The following HIVEP3 variants were observed in gnomAD, a reference collection of about 807,000 sequenced individuals.
The protein encoded by HIVEP3 is transcription factor HIVEP3.
Under a neutral mutation model 152.8 loss-of-function variants are expected in HIVEP3, and 49 were observed. That is an observed-to-expected ratio of 0.32 (90% CI 0.26 to 0.41). HIVEP3 has a LOEUF of 0.41. Among genes scored for constraint, HIVEP3 ranks in the 10% least tolerant of loss-of-function variants. HIVEP3 has a pLI of 1.00. For missense variants in HIVEP3, 2,790 were observed against 3,103.3 expected (o/e 0.90, Z 2.40); for synonymous variants, 1,269 against 1,289.0 (o/e 0.98, Z 0.33).
At chr1:41,826,739 G>A (rs1273826435) in intron 1 of HIVEP3, among the ~76,000 whole-genome samples, 1 of 152,210 alleles carries the variant, frequency 6.6e-6, no homozygotes, top group East Asian at 1.9e-4. Context: ...GTGGTTGTGA[G>A]TTGTCTTACA....
rs201055612 is a variant in HIVEP3, at chr1:41,511,255, C to T, written c.6417G>A (p.Glu2139=). The change falls in exon 9 of 9, where the codon GAG becomes GAA. Residue 2139 remains glutamate (E), a synonymous_variant. Coordinates refer to ENST00000372583, the MANE Select transcript of HIVEP3 (RefSeq NM_024503.5). The surrounding 1 kb of genome is among the most constrained non-coding windows in gnomAD (Gnocchi z 4.9). ...ETCASPWQKA[E]SRSPSCSPGP... ...CGGGTGAGCAGGAGGGACTTCGGGA[C>T]TCGGCCTTCTGCTGGGGTCAGAAAA... The T allele has an allele frequency of 6.2e-7, 1 of 1,604,008 alleles. No individual in the cohort carries two copies. Among genetic ancestry groups the T allele is most frequent in the African/African-American group, 1.3e-5 (1 of 74,904 alleles).
rs1644908938 is a variant in HIVEP3 at position 41,918,449 on chromosome 1, C to G, written c.-837G>C. The G allele has an allele frequency of 6.6e-6, 1 of 152,268 alleles. No homozygotes were observed. Among genetic ancestry groups the G allele is most frequent in the South Asian group, 2.1e-4 (1 of 4,828 alleles). The allele number at this position is 152,268 out of a possible 1,614,324, so 9.4% of individuals were successfully genotyped here. The stretch of plus-strand genomic sequence containing the variant: ...GGATGGCAAACTGGTCCTGTGTTCT[C>G]TGACCCACGGATCCAGCCCCTTCTT... On this transcript the variant is annotated 5_prime_UTR_variant, in exon 1 of 9. Transcript: ENST00000372583. The surrounding 1 kb of genome is among the most constrained non-coding windows in gnomAD (Gnocchi z 4.3).
intron 5 of HIVEP3, among the ~76,000 whole-genome samples, chr1:41,527,306 C>CA (rs1643009339): frequency 8.2e-6 from 1 of 122,290 alleles, no homozygotes; most frequent in Admixed American, 8.3e-5. Context: ...CACACCCTCA[C>CA]ACTTCACACC....
intron 3 of HIVEP3, among the ~76,000 whole-genome samples, chr1:41,620,390 G>A (rs758010638): frequency 2.6e-5 from 4 of 152,148 alleles, no homozygotes; most frequent in Non-Finnish European, 4.4e-5. Context: ...CAAACTAAGT[G>A]GCCTAGGTGA....
intron 1 of HIVEP3, among the ~76,000 whole-genome samples, chr1:42,012,704 T>G (rs1645500479): frequency 6.6e-6 from 1 of 151,678 alleles, no homozygotes; most frequent in African/African-American, 2.4e-5. Context: ...AAAATAAAAA[T>G]AAAAATAAAG....
chr1:41,556,081 T>C (rs893701059), intron 5 of HIVEP3, among the ~76,000 whole-genome samples: 1 of 152,236 alleles, frequency 6.6e-6, no homozygotes, highest in African/African-American at 2.4e-5. Context: ...TTGTGAATAA[T>C]GCTGCTGAAC....
chr1:41,802,449 C>T (rs1219398028), intron 1 of HIVEP3, among the ~76,000 whole-genome samples: 1 of 152,166 alleles, frequency 6.6e-6, no homozygotes, highest in Non-Finnish European at 1.5e-5. Flanking sequence ...CTCCTGGGCT[C>T]AAGCAGTCCT....
chr1:41,510,211 G>A lies in HIVEP3; in HGVS notation c.*240C>T, dbSNP rs187575150. ...CTATTCACAGCCTCAGACTCCTCGT[G>A]GGTTGTTGTTTTTTTTTTAAATGTA... On this transcript the variant is annotated 3_prime_UTR_variant, in exon 9 of 9. Coordinates refer to ENST00000372583, the MANE Select transcript of HIVEP3 (RefSeq NM_024503.5). 6.2e-5 allele frequency: 23 copies of A among 372,982 alleles called. No individual in the cohort carries two copies. The East Asian group carries it at 8.6e-4, about 14-fold the overall frequency. 23.1% of individuals were successfully genotyped at this position (372,982 alleles called of 1,614,324 possible). A position where few individuals can be genotyped will look rare whatever the true frequency, so the allele number is the denominator to read the frequency against.
chr1:41,845,944 G>A (rs1296475514), intron 1 of HIVEP3, among the ~76,000 whole-genome samples: 1 of 152,162 alleles, frequency 6.6e-6, no homozygotes, highest in Non-Finnish European at 1.5e-5. Flanking sequence ...GTTGGTGCCT[G>A]TAGTCCCAAC....
Position 41,580,737 on chromosome 1 carries a change from G to A in HIVEP3, c.4061C>T (p.Ala1354Val), listed in dbSNP as rs138166378. 1,202 of 1,590,262 alleles carry A rather than the reference G, an allele frequency of 7.6e-4. 11 individuals carry two copies. The highest frequency in any genetic ancestry group is 1.6e-4 in the Non-Finnish European group (186 of 1,168,698). ...TQSQGSSATV[A>V]LPKFEEPPSK... Reference sequence around the variant, plus strand: ...TGGGGGTTCCTCAAACTTGGGAAGTGCCACAGTTGCTGAGCTGCCTTGGGA... The same window carrying A: ...TGGGGGTTCCTCAAACTTGGGAAGTACCACAGTTGCTGAGCTGCCTTGGGA... Residue 1354 changes from alanine (A) to valine (V), a missense_variant, in exon 4 of 9, where the codon GCA becomes GTA. Ala to Val is a moderately conservative substitution (Grantham distance 64). This residue lies in a region of HIVEP3 where 1,078 missense variants were observed against 1,165.3 expected (regional missense o/e 0.93). Transcript: ENST00000372583.
chr1:41,737,509 T>C (rs1415064174), intron 1 of HIVEP3, among the ~76,000 whole-genome samples: 1 of 152,138 alleles, frequency 6.6e-6, no homozygotes, highest in Non-Finnish European at 1.5e-5. Context: ...TGTCATTGGG[T>C]TTAGTGTCCT....
intron 6 of HIVEP3, 146 bp downstream of exon 6, chr1:41,524,589 G>A: frequency 1.4e-6 from 1 of 740,620 alleles, no homozygotes. Flanking sequence ...TCTGCCACTG[G>A]GCACCAAGCT....
At chr1:41,751,224 T>C (rs1208119873) in intron 1 of HIVEP3, among the ~76,000 whole-genome samples, 2 of 151,618 alleles carry the variant, frequency 1.3e-5, no homozygotes, top group Admixed American at 1.3e-4. Context: ...TGACAACAGA[T>C]GGGACCATCC....
intron 1 of HIVEP3, among the ~76,000 whole-genome samples, chr1:41,750,321 A>C (rs1231782902): frequency 1.3e-5 from 2 of 152,272 alleles, no homozygotes; most frequent in Non-Finnish European, 2.9e-5. Flanking sequence ...CATGGAATTC[A>C]TCAACAAATG....
Position 41,866,140 on chromosome 1 carries a change from C to T in HIVEP3, c.-801+52273G>A, listed in dbSNP as rs540568019. Reference sequence around the variant, plus strand: ...GTGGACTCTCAGGAATCTTCAGCACCCTTTACACCAGCAGTGGTCAAAGTG... The same window carrying T: ...GTGGACTCTCAGGAATCTTCAGCACTCTTTACACCAGCAGTGGTCAAAGTG... On this transcript the variant is annotated intron_variant, in intron 1 of 8. Coordinates refer to ENST00000372583, the MANE Select transcript of HIVEP3 (RefSeq NM_024503.5). Among the ~76,000 whole-genome samples the T allele has an allele frequency of 9.5e-4, 144 of 152,294 alleles. 2 individuals are homozygous for T. The highest frequency in any genetic ancestry group is 3.3e-3 in the African/African-American group (139 of 41,552).
chr1:41,878,197 G>A (rs987815978), intron 1 of HIVEP3, among the ~76,000 whole-genome samples: 3 of 152,126 alleles, frequency 2.0e-5, no homozygotes, highest in Non-Finnish European at 2.9e-5. Flanking sequence ...CCACAAATAC[G>A]AATTAAGCAC....
chr1:41,759,690 G>C (rs536667329), intron 1 of HIVEP3, among the ~76,000 whole-genome samples: 1 of 152,314 alleles, frequency 6.6e-6, no homozygotes, highest in South Asian at 2.1e-4. Context: ...AGGCACCCAA[G>C]GCATCCCAGT....
At chr1:41,696,418 C>T (rs901290086) in intron 2 of HIVEP3, among the ~76,000 whole-genome samples, 1 of 152,212 alleles carries the variant, frequency 6.6e-6, no homozygotes, top group African/African-American at 2.4e-5. Flanking sequence ...TGGCGGGTGA[C>T]GAGGCACATT....
rs1298512118 is a variant in HIVEP3, at chr1:41,581,596, C to G, written c.3202G>C (p.Glu1068Gln). ...ELEVAPKGRQ[E>Q]SEEPQPSSSK... ...GATGAGGGCTGTGGTTCTTCGCTCTCCTGTCTTCCCTTGGGGGCAACCTCC... is the reference window on the plus strand; with the variant it reads ...GATGAGGGCTGTGGTTCTTCGCTCTGCTGTCTTCCCTTGGGGGCAACCTCC... Residue 1068 changes from glutamate to glutamine, a missense_variant, in exon 4 of 9, where the codon GAG becomes CAG. Coordinates refer to ENST00000372583, the MANE Select transcript of HIVEP3 (RefSeq NM_024503.5). This position sits in a 1 kb window ranked among gnomAD's most constrained non-coding sequence, Gnocchi z 4.5. The G allele has an allele frequency of 6.2e-7, 1 of 1,613,854 alleles. No homozygotes were observed. The highest frequency in any genetic ancestry group is 1.3e-5 in the African/African-American group (1 of 74,932).
Sources: gnomAD v4.1 joint callset for allele counts (sites outside exome capture counted in the v4.1 genomes callset) on GRCh38, gnomAD v4.1.1 for gene constraint, gnomAD v4.1.1 regional missense constraint, Gnocchi (gnomAD v3.1) non-coding constraint, MANE v1.5 for transcripts, NCBI Gene and HGNC (gene_info 2026-07-23, HGNC 2026-07-21) for gene names.